BDP1: variants seen among roughly 807,000 people sequenced by gnomAD.
The protein encoded by BDP1 is transcription factor TFIIIB component B'' homolog.
BDP1 carries 169 observed loss-of-function variants against 266.6 expected under a neutral mutation model. That is an observed-to-expected ratio of 0.63 (90% CI 0.56 to 0.72). The LOEUF is 0.72. Ranked by LOEUF, BDP1 falls within the 30% of genes least tolerant of loss-of-function variation. The pLI is 0.00. For synonymous variants in BDP1, 1,090 were observed against 1,022.4 expected (o/e 1.07, Z -1.26); for missense variants, 3,015 against 3,053.8 (o/e 0.99, Z 0.30).
intron 29 of BDP1, 95 bp from the exon 30 acceptor site, chr5:71,542,010 C>G: frequency 1.0e-6 from 1 of 970,028 alleles, no homozygotes; most frequent in Non-Finnish European, 1.5e-6. Flanking sequence ...TGGCACCTAA[C>G]AGGTCATTCA....
intron 4 of BDP1, 128 bp from the exon 5 acceptor site, chr5:71,465,968 T>G: frequency 1.0e-6 from 1 of 969,846 alleles, no homozygotes; most frequent in Non-Finnish European, 1.5e-6. Context: ...CATACTGTTT[T>G]CATTTGGATT....
chr5:71,509,414 G>A (rs1159886952), intron 16 of BDP1, 51 bp from the exon 17 acceptor site: 1 of 1,494,574 alleles, frequency 6.7e-7, no homozygotes, highest in African/African-American at 1.4e-5. Context: ...CATCTCTTCA[G>A]CAGGCAGTCT....
chr5:71,577,078 C>G, the BDP1 span, among the ~76,000 whole-genome samples: 1 of 152,168 alleles, frequency 6.6e-6, no homozygotes, highest in Non-Finnish European at 1.5e-5. Flanking sequence ...GTAAATCTTG[C>G]CAGTTATATC....
chr5:71,512,564 G>A, intron 18 of BDP1, 136 bp downstream of exon 18: 1 of 535,010 alleles, frequency 1.9e-6, no homozygotes. Context: ...CTGGGAGAGA[G>A]GATTGAGGTC....
intron 9 of BDP1, among the ~76,000 whole-genome samples, chr5:71,487,020 T>G (rs1308930826): frequency 2.0e-5 from 3 of 152,222 alleles, no homozygotes; most frequent in African/African-American, 7.2e-5. Context: ...ACTGTATTGG[T>G]TGAGCGTAAC....
chr5:71,558,028 T>A (rs1485148733), intron 36 of BDP1, among the ~76,000 whole-genome samples: 1 of 152,336 alleles, frequency 6.6e-6, no homozygotes, highest in East Asian at 1.9e-4. Flanking sequence ...CCAGTCACAT[T>A]TATCCTGTGT....
In BDP1 at chr5:71,510,061, G is replaced by C; in HGVS notation, c.2969G>C (p.Arg990Thr). 1 of 1,613,598 alleles carries C rather than the reference G, an allele frequency of 6.2e-7. No homozygotes were observed. The highest frequency in any genetic ancestry group is 1.1e-5 in the South Asian group (1 of 91,056). Reference sequence around the variant, plus strand: ...AAAAATTTGGAAGAAACTGGAAGAAGAAAAATATCCCCAAGGGAAAATGGC... The same window carrying C: ...AAAAATTTGGAAGAAACTGGAAGAACAAAAATATCCCCAAGGGAAAATGGC... Reference protein sequence around the residue: ...IDKNLEETGRRKISPRENGPE... With the variant: ...IDKNLEETGRTKISPRENGPE... Residue 990 changes from arginine to threonine, a missense_variant, in exon 17 of 39, where the codon AGA becomes ACA. By Grantham distance (71) the Arg-to-Thr change is moderately conservative. This residue lies in a region of BDP1 where 2,383 missense variants were observed against 2,404.9 expected (regional missense o/e 0.99). Transcript: ENST00000358731.
intron 8 of BDP1, among the ~76,000 whole-genome samples, chr5:71,486,203 T>C (rs770327295): frequency 6.6e-6 from 1 of 152,186 alleles, no homozygotes; most frequent in East Asian, 1.9e-4. Flanking sequence ...TAAAACTAGT[T>C]TATTTGCAAT....
intron 7 of BDP1, among the ~76,000 whole-genome samples, chr5:71,478,191 G>A (rs529059106): frequency 2.0e-4 from 30 of 152,216 alleles, no homozygotes; most frequent in African/African-American, 6.5e-4. Flanking sequence ...TGGAGGTTGC[G>A]ATGGCCGAAA....
chr5:71,515,077 C>G lies in BDP1; in HGVS notation c.4604C>G (p.Ser1535Cys). The G allele has an allele frequency of 6.2e-7, 1 of 1,612,376 alleles. No homozygotes were observed. The highest frequency in any genetic ancestry group is 8.5e-7 in the Non-Finnish European group (1 of 1,179,386). Residue 1535 changes from serine (S) to cysteine (C), a missense_variant, in exon 20 of 39, where the codon TCT (serine) becomes TGT (cysteine). Ser to Cys is a moderately radical substitution (Grantham distance 112). Around this residue, in one of 3 missense-constraint regions of BDP1, gnomAD observed 2,383 missense variants for 2,404.9 expected, o/e 0.99. Transcript: ENST00000358731. ...AATTCTTGTGAACCTAAAGAGGAGT[C>G]TCAGTCAGCACCAGTCCAGAAAAAT... ...PSNSCEPKEE[S>C]QSAPVQKNDS... is the part of the protein sequence containing the mutation.
chr5:71,469,540 C>T (rs1217211423), intron 6 of BDP1, among the ~76,000 whole-genome samples: 1 of 152,100 alleles, frequency 6.6e-6, no homozygotes, highest in East Asian at 1.9e-4. Flanking sequence ...TAGCTTTCTT[C>T]AGAGCACTTT....
At chr5:71,506,545 G>A in intron 16 of BDP1, among the ~76,000 whole-genome samples, 1 of 152,000 alleles carries the variant, frequency 6.6e-6, no homozygotes, top group East Asian at 1.9e-4. Flanking sequence ...GGGAGGCTGA[G>A]ACAGGAGGAT....
chr5:71,547,196 T>C (rs1486474116), intron 32 of BDP1, among the ~76,000 whole-genome samples: 2 of 151,944 alleles, frequency 1.3e-5, no homozygotes, highest in African/African-American at 2.4e-5. Flanking sequence ...CAATCAGGGC[T>C]CTCACATTGC....
In BDP1 at chr5:71,553,935, C is replaced by CAA. The variant is rs927221136; in HGVS notation, c.7200+616_7200+617insAA. On this transcript the variant is annotated intron_variant, in intron 35 of 38. Coordinates refer to ENST00000358731, the MANE Select transcript of BDP1 (RefSeq NM_018429.3). ...GAAAAACATACAGACTTCTTTAGTTCAGTCATCAGTGCCTCAGGGAAGTCC... is the reference window on the plus strand; with the variant it reads ...GAAAAACATACAGACTTCTTTAGTTCAAAGTCATCAGTGCCTCAGGGAAGTCC... 7.9e-4 allele frequency among the ~76,000 whole-genome samples: 121 copies of CAA among 152,274 alleles called. No homozygotes were observed. In the Middle Eastern group the frequency reaches 0.01, roughly 13 times the overall value.
At chr5:71,501,909 A>C (rs1764263199) in intron 14 of BDP1, among the ~76,000 whole-genome samples, 1 of 152,068 alleles carries the variant, frequency 6.6e-6, no homozygotes, top group South Asian at 2.1e-4. Flanking sequence ...GGATAATTTT[A>C]TTTATACTAA....
At chr5:71,490,127 T>C (rs1763500312) in intron 10 of BDP1, among the ~76,000 whole-genome samples, 1 of 152,134 alleles carries the variant, frequency 6.6e-6, no homozygotes, top group African/African-American at 2.4e-5. Flanking sequence ...TGCAAACATA[T>C]TGCCACTTAT....
At chr5:71,570,337 T>C (rs1239434205), downstream of BDP1, among the ~76,000 whole-genome samples, 1 of 152,208 alleles carries the variant, frequency 6.6e-6, no homozygotes, top group Non-Finnish European at 1.5e-5. Context: ...GGAAGATTTA[T>C]GGTATACCCA....
intron 36 of BDP1, among the ~76,000 whole-genome samples, chr5:71,558,770 G>T (rs1270293097): frequency 4.0e-5 from 6 of 151,092 alleles, no homozygotes; most frequent in African/African-American, 1.2e-4. Flanking sequence ...AGGTTGCGGT[G>T]AGCCGAGATT....
At chr5:71,461,564 T>C (rs1431098826) in intron 2 of BDP1, among the ~76,000 whole-genome samples, 1 of 152,080 alleles carries the variant, frequency 6.6e-6, no homozygotes, top group African/African-American at 2.4e-5. Flanking sequence ...CAGTGAGCTA[T>C]GATTGCGCCA....
Sources: allele counts gnomAD v4.1 joint callset (sites outside exome capture counted in the v4.1 genomes callset), GRCh38; gene constraint gnomAD v4.1.1; regional missense constraint gnomAD v4.1.1; transcripts MANE v1.5; gene names NCBI Gene and HGNC (gene_info 2026-07-23, HGNC 2026-07-21).